SNX9: variants seen among roughly 807,000 people sequenced by gnomAD.
SNX9 encodes sorting nexin-9.
In SNX9, 44 loss-of-function variants were observed where a neutral mutation model predicts 89.4. The observed-to-expected ratio is 0.49, with a 90% CI of 0.39 to 0.63. SNX9 has a LOEUF of 0.63. Among genes scored for constraint, SNX9 ranks in the 30% least tolerant of loss-of-function variants. The pLI, the probability that SNX9 is intolerant of heterozygous loss-of-function variation, is 0.00. For missense variants in SNX9, 578 were observed against 736.1 expected (o/e 0.79, Z 2.49); for synonymous variants, 236 against 247.8 (o/e 0.95, Z 0.45).
chr6:157,901,999 G>T lies in SNX9; in HGVS notation c.574G>T (p.Gly192Ter). Reference sequence around the variant, plus strand: ...AGCTGATGCAGGCGGCGCTCAGCGAGGAAACAGTCGTGCTAGTTCCTCATC... The same window carrying T: ...AGCTGATGCAGGCGGCGCTCAGCGATGAAACAGTCGTGCTAGTTCCTCATC... ...ESADAGGAQRGNSRASSSSMK... is the reference protein window; with the variant it reads ...ESADAGGAQR Residue 192 changes from glycine (G) to a stop codon, truncating the protein, a stop_gained, in exon 6 of 18, where the codon GGA becomes TGA. Transcript: ENST00000392185. LOFTEE classifies it high-confidence loss of function. 1 of 1,613,808 alleles carries T rather than the reference G, an allele frequency of 6.2e-7. No individual in the cohort carries two copies. Among genetic ancestry groups the T allele is most frequent in the Non-Finnish European group, 8.5e-7 (1 of 1,179,884 alleles).
intron 1 of SNX9, among the ~76,000 whole-genome samples, chr6:157,866,751 A>T (rs1051835353): frequency 2.6e-5 from 4 of 152,152 alleles, no homozygotes; most frequent in Middle Eastern, 3.2e-3. Flanking sequence ...CTTATTAGAT[A>T]AGGAGCAGTG....
chr6:157,927,982 C>G (rs1403869732), intron 11 of SNX9, among the ~76,000 whole-genome samples: 1 of 151,976 alleles, frequency 6.6e-6, no homozygotes. Context: ...GAGAGAAAAT[C>G]AGTGTTAATA....
Position 157,931,897 on chromosome 6 carries a change from A to C in SNX9, c.1289-298A>C, listed in dbSNP as rs113636061. On this transcript the variant is annotated intron_variant, in intron 12 of 17. Coordinates refer to ENST00000392185, the MANE Select transcript of SNX9 (RefSeq NM_016224.5). Reference sequence around the variant, plus strand: ...GATCAAGCGCGGTGTCGCTAGAAGTACTTTGTAAGCTAGAAATCATCTAAA... The same window carrying C: ...GATCAAGCGCGGTGTCGCTAGAAGTCCTTTGTAAGCTAGAAATCATCTAAA... Among the ~76,000 whole-genome samples, 689 of 152,320 alleles carry C rather than the reference A, an allele frequency of 4.5e-3. 4 individuals are homozygous for C. The highest frequency in any genetic ancestry group is 0.016 in the African/African-American group (663 of 41,566).
intron 4 of SNX9, among the ~76,000 whole-genome samples, chr6:157,889,204 G>C (rs1372847858): frequency 6.6e-6 from 1 of 152,128 alleles, no homozygotes; most frequent in African/African-American, 2.4e-5. Context: ...GCGGAGGCAG[G>C]CAGATTACCT....
At position 157,926,864 on chromosome 6, in the gene SNX9, T is replaced by C. The variant is rs761666592; in HGVS notation, c.1081-247T>C. 3.3e-5 allele frequency among the ~76,000 whole-genome samples: 5 copies of C among 152,056 alleles called. No individual in the cohort carries two copies. The South Asian group carries it at 1.0e-3, about 32-fold the overall frequency. On this transcript the variant is annotated intron_variant, in intron 10 of 17. Coordinates refer to ENST00000392185, the MANE Select transcript of SNX9 (RefSeq NM_016224.5). ...GTAGCCATTGGAAAGAGAACATGGC[T>C]GAATTGGTTCATTCTTTAAAGATTT...
At chr6:157,900,601 G>A (rs964219513) in intron 5 of SNX9, among the ~76,000 whole-genome samples, 3 of 152,110 alleles carry the variant, frequency 2.0e-5, no homozygotes, top group Admixed American at 6.5e-5. Context: ...TAGTGAGGGC[G>A]GGGGTAGGTT....
Position 157,905,121 on chromosome 6 carries a change from A to C in SNX9, c.621-1007A>C, listed in dbSNP as rs549932534. Among the ~76,000 whole-genome samples the C allele has an allele frequency of 1.7e-4, 26 of 152,300 alleles. No individual in the cohort carries two copies. In the South Asian group the frequency reaches 3.9e-3, roughly 23 times the overall value. ...ACCTAAGTGTTGGAGTCAGAATTCAAACCCCATGCCATCCAGCTGCAGGAC... is the reference window on the plus strand; with the variant it reads ...ACCTAAGTGTTGGAGTCAGAATTCACACCCCATGCCATCCAGCTGCAGGAC... On this transcript the variant is annotated intron_variant, in intron 6 of 17. Transcript: ENST00000392185.
At chr6:157,869,024 C>A (rs1306574708) in intron 2 of SNX9, among the ~76,000 whole-genome samples, 1 of 152,260 alleles carries the variant, frequency 6.6e-6, no homozygotes, top group Non-Finnish European at 1.5e-5. Context: ...GATACAAAGA[C>A]AGGAAACCTG....
chr6:157,828,090 G>GA (rs1414842742), intron 1 of SNX9, among the ~76,000 whole-genome samples: 2 of 152,236 alleles, frequency 1.3e-5, no homozygotes, highest in East Asian at 3.9e-4. Context: ...GACTAGAATA[G>GA]AAATATCTTT....
chr6:157,833,183 C>G (rs1781507697), intron 1 of SNX9, among the ~76,000 whole-genome samples: 2 of 152,044 alleles, frequency 1.3e-5, no homozygotes, highest in South Asian at 4.1e-4. Flanking sequence ...AAATAGTTGC[C>G]TATTGCATAG....
intron 17 of SNX9, among the ~76,000 whole-genome samples, chr6:157,941,249 C>G (rs1282027997): frequency 6.6e-6 from 1 of 152,130 alleles, no homozygotes; most frequent in African/African-American, 2.4e-5. Flanking sequence ...GCTCCTTCCC[C>G]CCGTCACAGC....
intron 1 of SNX9, among the ~76,000 whole-genome samples, chr6:157,850,119 G>C (rs1042309950): frequency 5.9e-5 from 9 of 152,160 alleles, no homozygotes; most frequent in Non-Finnish European, 1.3e-4. Flanking sequence ...GCGAGGGGAG[G>C]AGAGTGTTTC....
chr6:157,887,017 A>G (rs888548777), intron 4 of SNX9, among the ~76,000 whole-genome samples: 2 of 152,088 alleles, frequency 1.3e-5, no homozygotes, highest in African/African-American at 2.4e-5. Context: ...CTTTCTCTTC[A>G]TTATGGGTCA....
At chr6:157,909,329 AC>A in intron 7 of SNX9, among the ~76,000 whole-genome samples, 1 of 152,348 alleles carries the variant, frequency 6.6e-6, no homozygotes, top group South Asian at 2.1e-4. Context: ...ATTTTTAAAA[AC>A]TAGTCCTTCA....
At chr6:157,907,170 T>G (rs896504030) in intron 7 of SNX9, among the ~76,000 whole-genome samples, 3 of 152,258 alleles carry the variant, frequency 2.0e-5, no homozygotes, top group Non-Finnish European at 2.9e-5. Context: ...GATTTTTTTT[T>G]CCTGTTTTCT....
Position 157,902,015 on chromosome 6 carries a change from G to A in SNX9, c.590G>A (p.Ser197Asn), listed in dbSNP as rs150874936. The A allele has an allele frequency of 1.6e-4, 254 of 1,613,314 alleles. No individual in the cohort carries two copies. In the African/African-American group the frequency reaches 2.9e-3, roughly 19 times the overall value. ...GCTCAGCGAGGAAACAGTCGTGCTA[G>A]TTCCTCATCCATGAAAATTCCCCTT... ...GGAQRGNSRA[S>N]SSSMKIPLNK... is the part of the protein sequence containing the mutation. The change falls in exon 6 of 18, where the codon AGT (serine) becomes AAT (asparagine). Residue 197 changes from serine to asparagine, a missense_variant. Transcript: ENST00000392185.
chr6:157,847,620 G>C (rs185310849), intron 1 of SNX9, among the ~76,000 whole-genome samples: 1 of 152,142 alleles, frequency 6.6e-6, no homozygotes, highest in Non-Finnish European at 1.5e-5. Flanking sequence ...CTGGGAAGGA[G>C]CCAGGCTATG....
chr6:157,861,753 A>C (rs574446956), intron 1 of SNX9, among the ~76,000 whole-genome samples: 32 of 152,276 alleles, frequency 2.1e-4, no homozygotes, highest in African/African-American at 7.0e-4. Context: ...TTTTTTCTAT[A>C]TATGCCTATG....
rs147407849 is a variant in SNX9, at chr6:157,842,271, T to A, written c.12+18825T>A. ...GTTGACATTTGTATGAGTCTGCCCA[T>A]GTTAATGTAAAACAGATTTGCCACA... On this transcript the variant is annotated intron_variant, in intron 1 of 17. Coordinates refer to ENST00000392185, the MANE Select transcript of SNX9 (RefSeq NM_016224.5). Among the ~76,000 whole-genome samples the A allele has an allele frequency of 4.6e-5, 7 of 152,322 alleles. No homozygotes were observed. In the East Asian group the frequency reaches 1.3e-3, roughly 29 times the overall value.
Sources: gnomAD v4.1 joint callset for allele counts (sites outside exome capture counted in the v4.1 genomes callset) on GRCh38, gnomAD v4.1.1 for gene constraint, MANE v1.5 for transcripts, NCBI Gene and HGNC (gene_info 2026-07-23, HGNC 2026-07-21) for gene names.